Variants in PCDHA11 observed in about 807,000 individuals in gnomAD.
PCDHA11 encodes protocadherin alpha 11, also known as protocadherin alpha-11.
PCDHA11 carries 61 observed loss-of-function variants against 70.3 expected under a neutral mutation model. That is an observed-to-expected ratio of 0.87 (90% CI 0.71 to 1.07). PCDHA11 has a LOEUF of 1.07. Among genes scored for constraint, PCDHA11 ranks in the 50% least tolerant of loss-of-function variants. The pLI is 0.00. For missense variants in PCDHA11, 1,324 were observed against 1,237.5 expected (o/e 1.07, Z -1.05); for synonymous variants, 633 against 555.1 (o/e 1.14, Z -1.97).
intron 3 of PCDHA11, among the ~76,000 whole-genome samples, chr5:140,995,578 T>C (rs1554254730): frequency 1.3e-5 from 2 of 152,256 alleles, no homozygotes; most frequent in African/African-American, 4.8e-5. Flanking sequence ...AGATGAGCTA[T>C]GAGCTTTTAA....
At chr5:140,877,489 G>C (rs782165291) in intron 1 of PCDHA11, 3 of 1,613,844 alleles carry the variant, frequency 1.9e-6, no homozygotes, top group Non-Finnish European at 1.7e-6. Context: ...GGTGGAGAAC[G>C]GCCAGGCCCC....
intron 3 of PCDHA11, among the ~76,000 whole-genome samples, chr5:141,005,816 G>A (rs1295998009): frequency 1.3e-5 from 2 of 151,804 alleles, no homozygotes; most frequent in African/African-American, 4.8e-5. Context: ...AGCCAGGTAT[G>A]GTGGCCTGTA....
At chr5:140,902,668 G>C (rs1385644848) in intron 1 of PCDHA11, among the ~76,000 whole-genome samples, 3 of 152,126 alleles carry the variant, frequency 2.0e-5, no homozygotes, top group African/African-American at 7.2e-5. Context: ...CACCCAAGCA[G>C]TGTACACCGT....
chr5:140,877,818 T>C (rs1207543793), intron 1 of PCDHA11: 1 of 1,608,890 alleles, frequency 6.2e-7, no homozygotes, highest in Non-Finnish European at 8.5e-7. Flanking sequence ...CTCGAGAAGA[T>C]TGTTTAAATC....
At chr5:140,937,839 A>G (rs2091791639) in intron 1 of PCDHA11, among the ~76,000 whole-genome samples, 1 of 150,456 alleles carries the variant, frequency 6.6e-6, no homozygotes, top group Non-Finnish European at 1.5e-5. Flanking sequence ...ATGAACCTGG[A>G]AGGCGGAACT....
intron 1 of PCDHA11, among the ~76,000 whole-genome samples, chr5:140,915,282 T>C (rs2077058994): frequency 2.0e-5 from 3 of 152,152 alleles, no homozygotes; most frequent in South Asian, 2.1e-4. Flanking sequence ...CATCATTTAC[T>C]CTTTCTACTT....
At chr5:141,006,741 A>G (rs1275777013) in intron 3 of PCDHA11, among the ~76,000 whole-genome samples, 2 of 152,208 alleles carry the variant, frequency 1.3e-5, no homozygotes, top group Non-Finnish European at 2.9e-5. Flanking sequence ...TTGATGATGT[A>G]TTATAAATGG....
intron 1 of PCDHA11, among the ~76,000 whole-genome samples, chr5:140,908,762 C>T (rs962553584): frequency 7.9e-5 from 12 of 152,104 alleles, no homozygotes; most frequent in Admixed American, 2.6e-4. Flanking sequence ...ACAGCCTGGA[C>T]GTGTTGTAGA....
At chr5:140,900,429 C>A (rs1202126306) in intron 1 of PCDHA11, among the ~76,000 whole-genome samples, 1 of 152,174 alleles carries the variant, frequency 6.6e-6, no homozygotes, top group East Asian at 1.9e-4. Context: ...AGGCACGTGC[C>A]ACCACGGCCG....
intron 1 of PCDHA11, chr5:140,927,810 G>C: frequency 6.2e-7 from 1 of 1,614,200 alleles, no homozygotes. Flanking sequence ...AAACGCTCTT[G>C]GAGGCATACA....
At chr5:140,893,264 A>T (rs1554185566) in intron 1 of PCDHA11, among the ~76,000 whole-genome samples, 1 of 152,290 alleles carries the variant, frequency 6.6e-6, no homozygotes, top group African/African-American at 2.4e-5. Context: ...ATAAATGCCC[A>T]ATAGTGGAAT....
chr5:140,884,247 CG>C (rs1220799816), intron 1 of PCDHA11: 1 of 1,613,280 alleles, frequency 6.2e-7, no homozygotes, highest in Non-Finnish European at 8.5e-7. Flanking sequence ...CCCGCGCTGA[CG>C]GCCACGGCAA....
chr5:140,884,468 C>G, intron 1 of PCDHA11: 4 of 1,613,762 alleles, frequency 2.5e-6, no homozygotes, highest in Non-Finnish European at 3.4e-6. Context: ...CGCGTGCGCG[C>G]CGGGCAAGCC....
chr5:140,877,361 A>G, intron 1 of PCDHA11: 6 of 1,613,976 alleles, frequency 3.7e-6, no homozygotes, highest in Non-Finnish European at 5.1e-6. Context: ...TACACTGGCG[A>G]GATCAGCACG....
intron 1 of PCDHA11, among the ~76,000 whole-genome samples, chr5:140,888,151 CT>C (rs1247816625): frequency 4.6e-5 from 7 of 152,106 alleles, no homozygotes; most frequent in Non-Finnish European, 8.8e-5. Context: ...TTTTGCATGA[CT>C]GGTAATCTCT....
chr5:140,967,324 G>A, intron 1 of PCDHA11: 4 of 1,609,186 alleles, frequency 2.5e-6, no homozygotes, highest in Non-Finnish European at 3.4e-6. Context: ...AGACCTACGA[G>A]CTCAGCCCCA....
chr5:140,871,451 A>T lies in PCDHA11; in HGVS notation c.2348A>T (p.Glu783Val). Residue 783 changes from glutamate (E) to valine (V), a missense_variant, in exon 1 of 4, where the codon GAG becomes GTG. By Grantham distance (121) the Glu-to-Val change is moderately radical (BLOSUM62 -2). Coordinates refer to ENST00000398640, the MANE Select transcript of PCDHA11 (RefSeq NM_018902.5). ...PSLPLGLNKEEEGERQEPGSN... is the reference protein window; with the variant it reads ...PSLPLGLNKEVEGERQEPGSN... Reference sequence around the variant, plus strand: ...CTTCCTCTAGGTCTGAATAAAGAGGAGGAAGGGGAAAGACAGGAGCCAGGG... The same window carrying T: ...CTTCCTCTAGGTCTGAATAAAGAGGTGGAAGGGGAAAGACAGGAGCCAGGG... 6.2e-7 allele frequency: 1 copy of T among 1,608,630 alleles called. No homozygotes were observed. Among genetic ancestry groups the T allele is most frequent in the Non-Finnish European group, 8.5e-7 (1 of 1,176,990 alleles).
intron 1 of PCDHA11, among the ~76,000 whole-genome samples, chr5:140,904,653 A>AGT (rs2071298480): frequency 6.6e-6 from 1 of 152,104 alleles, no homozygotes; most frequent in Non-Finnish European, 1.5e-5. Context: ...TGTTTTCCAT[A>AGT]GTGGTTGTAC....
At chr5:140,967,331 C>T (rs2096128497) in intron 1 of PCDHA11, 1 of 1,608,078 alleles carries the variant, frequency 6.2e-7, no homozygotes, top group African/African-American at 1.3e-5. Context: ...CGAGCTCAGC[C>T]CCAGCGAGCA....
Sources: allele counts gnomAD v4.1 joint callset (sites outside exome capture counted in the v4.1 genomes callset), GRCh38; gene constraint gnomAD v4.1.1; transcripts MANE v1.5; gene names NCBI Gene and HGNC (gene_info 2026-07-23, HGNC 2026-07-21).